The following SRPK2 variants were observed in gnomAD, a reference collection of about 807,000 sequenced individuals.
SRPK2 encodes the protein SFRS protein kinase 2.
In SRPK2, 21 loss-of-function variants were observed where a neutral mutation model predicts 90.8. The ratio of observed to expected loss-of-function variants is 0.23; its 90% CI spans 0.16 to 0.33. The LOEUF is 0.33. Among genes scored for constraint, SRPK2 ranks in the 10% least tolerant of loss-of-function variants. The pLI is 1.00. For synonymous variants in SRPK2, 288 were observed against 311.1 expected (o/e 0.93, Z 0.78); for missense variants, 620 against 869.0 (o/e 0.71, Z 3.60).
intron 3 of SRPK2, among the ~76,000 whole-genome samples, chr7:105,201,178 G>A (rs1795502899): frequency 6.6e-6 from 1 of 152,136 alleles, no homozygotes; most frequent in African/African-American, 2.4e-5. Context: ...TGGACTCCCT[G>A]AATATGTATA....
At chr7:105,278,675 G>C (rs1806846260) in intron 2 of SRPK2, among the ~76,000 whole-genome samples, 1 of 150,832 alleles carries the variant, frequency 6.6e-6, no homozygotes, top group Non-Finnish European at 1.5e-5. Context: ...GACAGAGCCA[G>C]ACTCCGTGAA....
At chr7:105,175,414 T>C (rs751308553) in intron 3 of SRPK2, among the ~76,000 whole-genome samples, 5 of 152,090 alleles carry the variant, frequency 3.3e-5, no homozygotes, top group Non-Finnish European at 5.9e-5. Flanking sequence ...TAAATGCCTA[T>C]ACCAGAAAAG....
intron 2 of SRPK2, among the ~76,000 whole-genome samples, chr7:105,331,332 A>AAAAAAAAAAAAAAAAAAAG (rs1814359211): frequency 6.9e-6 from 1 of 144,912 alleles, no homozygotes; most frequent in Non-Finnish European, 1.5e-5. Context: ...AAAAAAAAAA[A>AAAAAAAAAAAAAAAAAAAG]AAAAACAAAT....
At chr7:105,374,440 C>A (rs191189055) in intron 2 of SRPK2, among the ~76,000 whole-genome samples, 2 of 152,154 alleles carry the variant, frequency 1.3e-5, no homozygotes, top group Admixed American at 6.6e-5. Context: ...AGGATTCCAC[C>A]TAGTCTAAGA....
At chr7:105,191,943 G>A (rs1305579547) in intron 3 of SRPK2, among the ~76,000 whole-genome samples, 1 of 150,466 alleles carries the variant, frequency 6.6e-6, no homozygotes, top group African/African-American at 2.4e-5. Flanking sequence ...TTGAACTCCT[G>A]AGCTCAAATG....
At chr7:105,301,583 A>T (rs573815581) in intron 2 of SRPK2, 1 of 1,597,344 alleles carries the variant, frequency 6.3e-7, no homozygotes, top group East Asian at 2.2e-5. Context: ...GAAGGAGATG[A>T]AAGTTTCCGG....
chr7:105,289,306 ACTTC>A (rs1470013353), intron 2 of SRPK2, among the ~76,000 whole-genome samples: 4 of 151,914 alleles, frequency 2.6e-5, no homozygotes, highest in Non-Finnish European at 5.9e-5. Flanking sequence ...ATAAAAAATA[ACTTC>A]CTTCCAGTCA....
At chr7:105,358,937 G>A (rs1242032867) in intron 2 of SRPK2, among the ~76,000 whole-genome samples, 1 of 151,820 alleles carries the variant, frequency 6.6e-6, no homozygotes, top group Non-Finnish European at 1.5e-5. Flanking sequence ...CAGAGAGAGA[G>A]AGAGAGAGAG....
At chr7:105,369,342 T>C (rs1274322444) in intron 2 of SRPK2, among the ~76,000 whole-genome samples, 2 of 151,928 alleles carry the variant, frequency 1.3e-5, no homozygotes, top group Non-Finnish European at 1.5e-5. Flanking sequence ...CAGACAGGGC[T>C]TCATCACGCT....
chr7:105,353,313 G>A (rs1817415893), intron 2 of SRPK2, among the ~76,000 whole-genome samples: 1 of 152,014 alleles, frequency 6.6e-6, no homozygotes, highest in South Asian at 2.1e-4. Flanking sequence ...TAATAGTGCT[G>A]TTAGAATTCT....
intron 2 of SRPK2, among the ~76,000 whole-genome samples, chr7:105,372,139 A>G (rs1481818125): frequency 1.9e-5 from 1 of 52,506 alleles, no homozygotes; most frequent in Non-Finnish European, 5.9e-5. Context: ...CAACTCATAA[A>G]AAAAAAAAAA....
chr7:105,207,645 T>C (rs543038266), intron 2 of SRPK2, among the ~76,000 whole-genome samples: 8 of 152,128 alleles, frequency 5.3e-5, no homozygotes, highest in South Asian at 4.1e-4. Flanking sequence ...ATAAATAAAG[T>C]TGGACCTCTC....
rs60714423 is a variant in SRPK2 at position 105,167,783 on chromosome 7, A to G, written c.426+225T>C. Among the ~76,000 whole-genome samples, 464 of 151,934 alleles carry G rather than the reference A, an allele frequency of 3.1e-3. 13 individuals carry two copies. The East Asian group carries it at 0.062, about 20-fold the overall frequency. Reference sequence around the variant, plus strand: ...CCACCACCATGCCTGGCTATTTTTTATATTTTTAGCAGAGATGGGGTTTCA... The same window carrying G: ...CCACCACCATGCCTGGCTATTTTTTGTATTTTTAGCAGAGATGGGGTTTCA... On this transcript the variant is annotated intron_variant, in intron 5 of 15. Coordinates refer to ENST00000393651, the MANE Select transcript of SRPK2 (RefSeq NM_182692.3).
intron 2 of SRPK2, among the ~76,000 whole-genome samples, chr7:105,261,329 G>A (rs1286190515): frequency 6.6e-6 from 1 of 152,102 alleles, no homozygotes; most frequent in Non-Finnish European, 1.5e-5. Flanking sequence ...AGACCATCCT[G>A]GCTGACACTG....
downstream of SRPK2, chr7:105,116,352 T>TA (rs1239631370): frequency 6.6e-6 from 1 of 152,342 alleles, no homozygotes; most frequent in African/African-American, 2.4e-5. Flanking sequence ...CTATCATTTA[T>TA]AGGGCAATGA....
intron 2 of SRPK2, among the ~76,000 whole-genome samples, chr7:105,217,091 C>T (rs1797566034): frequency 6.6e-6 from 1 of 152,180 alleles, no homozygotes; most frequent in African/African-American, 2.4e-5. Flanking sequence ...CTGCTACAGG[C>T]CTTTTGGCAT....
intron 2 of SRPK2, among the ~76,000 whole-genome samples, chr7:105,270,977 A>G (rs931486046): frequency 1.3e-5 from 2 of 152,184 alleles, no homozygotes; most frequent in African/African-American, 4.8e-5. Flanking sequence ...CATAGTTTAA[A>G]TCCACCTTCT....
chr7:105,117,570 CACA>C lies in SRPK2; in HGVS notation c.*265_*267del, dbSNP rs1332801652. The C allele has an allele frequency of 2.4e-6, 1 of 423,510 alleles. No individual in the cohort carries two copies. The highest frequency in any genetic ancestry group is 4.3e-5 in the Admixed American group (1 of 23,038). 26.2% of individuals were successfully genotyped at this position (423,510 alleles called of 1,614,324 possible). On this transcript the variant is annotated 3_prime_UTR_variant, in exon 16 of 16. Coordinates refer to ENST00000393651, the MANE Select transcript of SRPK2 (RefSeq NM_182692.3). ...TCAAAAAAATGACATTTGAATGTCA[CACA>C]ACACAAGAAACAATGCTTAGAGACA... is the stretch of plus-strand genomic sequence containing the variant.
Position 105,117,875 on chromosome 7 carries a change from G to C in SRPK2, c.2063C>G (p.Ala688Gly). ...CCAAGGATGCCGAAGGCATTCGCCA[G>C]CTGAGGCTCGTTTTTCTGGAACCAT... ...LEMVPEKRAS[A>G]GECLRHPWLN... is the part of the protein sequence containing the mutation. Residue 688 changes from alanine (A) to glycine (G), a missense_variant, in exon 16 of 16, where the codon GCT becomes GGT. Physicochemically the swap from Ala to Gly is moderately conservative, Grantham distance 60. This residue lies in a region of SRPK2 where 71 missense variants were observed against 123.1 expected (regional missense o/e 0.58). Transcript: ENST00000393651. The C allele has an allele frequency of 6.2e-7, 1 of 1,613,374 alleles. No homozygotes were observed. Among genetic ancestry groups the C allele is most frequent in the Non-Finnish European group, 8.5e-7 (1 of 1,180,026 alleles).
Sources: allele counts gnomAD v4.1 joint callset (sites outside exome capture counted in the v4.1 genomes callset), GRCh38; gene constraint gnomAD v4.1.1; regional missense constraint gnomAD v4.1.1; transcripts MANE v1.5; gene names NCBI Gene and HGNC (gene_info 2026-07-23, HGNC 2026-07-21).